The following GSE1 variants were observed in gnomAD, a reference collection of about 807,000 sequenced individuals.
The protein encoded by GSE1 is Gse1 coiled-coil protein.
A neutral mutation model predicts 112.6 loss-of-function variants in GSE1; 32 were observed. The observed-to-expected ratio is 0.28, with a 90% CI of 0.21 to 0.38. The LOEUF (loss-of-function observed/expected upper bound fraction) is 0.38. Ranked by LOEUF, GSE1 falls within the 10% of genes least tolerant of loss-of-function variation. The probability of loss-of-function intolerance (pLI) is 1.00; values close to 1 mark genes in which losing one functional copy is unlikely to be tolerated. For synonymous variants in GSE1, 1,115 were observed against 735.6 expected, an observed-to-expected ratio of 1.52 and a Z score of -8.35; for missense variants, 2,348 against 1,699.2, an observed-to-expected ratio of 1.38 and a Z score of -6.71.
At chr16:85,417,822 G>C (rs2048737053) in intron 2 of GSE1, among the ~76,000 whole-genome samples, 2 of 152,248 alleles carry the variant, frequency 1.3e-5, no homozygotes, top group South Asian at 4.1e-4. Flanking sequence ...GTCTGAGGCA[G>C]GGCTGAAGGC....
intron 2 of GSE1, among the ~76,000 whole-genome samples, chr16:85,636,568 C>T (rs1396075791): frequency 2.0e-5 from 3 of 152,164 alleles, no homozygotes; most frequent in African/African-American, 2.4e-5. Flanking sequence ...TGGAACTGGC[C>T]GGCAGCCCTC....
At chr16:85,207,630 C>T (rs1414266772) in intron 1 of GSE1, among the ~76,000 whole-genome samples, 1 of 152,228 alleles carries the variant, frequency 6.6e-6, no homozygotes, top group Non-Finnish European at 1.5e-5. Context: ...GGCTGCAGAG[C>T]CAGATGAGGC....
At chr16:85,246,302 A>C (rs1471307252) in intron 1 of GSE1, among the ~76,000 whole-genome samples, 4 of 78,546 alleles carry the variant, frequency 5.1e-5, no homozygotes, top group Admixed American at 1.4e-4. Flanking sequence ...CACACCCCAC[A>C]CGCTGTCTAC....
chr16:85,216,568 C>T (rs1012531747), intron 1 of GSE1, among the ~76,000 whole-genome samples: 7 of 152,194 alleles, frequency 4.6e-5, no homozygotes, highest in Admixed American at 2.0e-4. Flanking sequence ...CACAAACTGA[C>T]GCCTATGACC....
chr16:85,340,593 A>G (rs530140153), intron 1 of GSE1, among the ~76,000 whole-genome samples: 2 of 152,330 alleles, frequency 1.3e-5, no homozygotes, highest in South Asian at 4.1e-4. Flanking sequence ...GTGAGCCAAG[A>G]TCGCGTCACT....
intron 1 of GSE1, among the ~76,000 whole-genome samples, chr16:85,172,354 A>C (rs1235165703): frequency 1.3e-5 from 2 of 152,226 alleles, no homozygotes; most frequent in Admixed American, 1.3e-4. Context: ...ATAGGGTTCC[A>C]GACATGGGGG....
intron 2 of GSE1, among the ~76,000 whole-genome samples, chr16:85,382,794 A>C (rs2151624601): frequency 6.7e-6 from 1 of 149,644 alleles, no homozygotes; most frequent in Middle Eastern, 3.5e-3. Context: ...CACACACAAC[A>C]CATGCACACA....
intron 2 of GSE1, among the ~76,000 whole-genome samples, chr16:85,646,047 T>C (rs2050834323): frequency 6.8e-6 from 1 of 147,420 alleles, no homozygotes; most frequent in Non-Finnish European, 1.5e-5. Context: ...TTCTACCTGC[T>C]TCTACCACGC....
intron 7 of GSE1, 140 bp from the exon 8 acceptor site, chr16:85,657,137 C>G: frequency 3.4e-6 from 2 of 583,830 alleles, no homozygotes; most frequent in Non-Finnish European, 5.8e-6. Flanking sequence ...AGGGCCCCTT[C>G]TGAATATCTT....
intron 9 of GSE1, chr16:85,662,744 C>T: frequency 1.9e-6 from 1 of 524,182 alleles, no homozygotes. Context: ...GCCCAGGGGA[C>T]CACCCAGCTA....
At chr16:85,616,599 G>A (rs1408671310) in intron 1 of GSE1, among the ~76,000 whole-genome samples, 3 of 152,148 alleles carry the variant, frequency 2.0e-5, no homozygotes, top group East Asian at 1.9e-4. Context: ...CTGGTGTGCC[G>A]GGAGAGCTGT....
chr16:85,571,699 G>A (rs540207026), intron 1 of GSE1, among the ~76,000 whole-genome samples: 1,866 of 152,332 alleles, frequency 0.012, 17 homozygotes, highest in Non-Finnish European at 0.02. Context: ...GACTGAGGGG[G>A]AGAAACAGGT....
At chr16:85,601,126 A>G (rs1011098697) in intron 1 of GSE1, among the ~76,000 whole-genome samples, 3 of 152,034 alleles carry the variant, frequency 2.0e-5, no homozygotes, top group Non-Finnish European at 4.4e-5. Flanking sequence ...GGGAGGATAC[A>G]GCAGGCCCAG....
chr16:85,274,781 C>G (rs1909191171), intron 1 of GSE1, among the ~76,000 whole-genome samples: 1 of 152,232 alleles, frequency 6.6e-6, no homozygotes, highest in Admixed American at 6.5e-5. Flanking sequence ...GCCACTGGCA[C>G]CTGCCCCCAG....
At chr16:85,562,759 A>G (rs930444991) in intron 1 of GSE1, among the ~76,000 whole-genome samples, 2 of 152,346 alleles carry the variant, frequency 1.3e-5, no homozygotes, top group East Asian at 1.9e-4. Flanking sequence ...CCTCTCACCA[A>G]TGTCAAGTGT....
In GSE1 at chr16:85,656,382, C is replaced by T. The variant is rs369286648; in HGVS notation, c.1029C>T (p.Arg343=). 6.6e-4 allele frequency: 966 copies of T among 1,458,742 alleles called. No individual in the cohort carries two copies. The highest frequency in any genetic ancestry group is 8.2e-4 in the Non-Finnish European group (892 of 1,088,402). The allele number at this position is 1,458,742 out of a possible 1,614,324, so 90.4% of individuals were successfully genotyped here. ...AGGAGCTAAGGCGGGAGAGGGAGCG[C>T]GAGCGCGAGCGCGAGCGTGAGCGTG... ...MDEELRRERE[R]EREREREREA... Residue 343 remains arginine, a synonymous_variant, in exon 7 of 16, where the codon CGC becomes CGT. Transcript: ENST00000253458.
chr16:85,261,156 C>T (rs1453567254), intron 1 of GSE1, among the ~76,000 whole-genome samples: 1 of 152,244 alleles, frequency 6.6e-6, no homozygotes, highest in East Asian at 1.9e-4. Flanking sequence ...GCCATTTCTT[C>T]TGCCCTGGGC....
chr16:85,508,314 A>G (rs527487171), intron 2 of GSE1, among the ~76,000 whole-genome samples: 17 of 152,310 alleles, frequency 1.1e-4, no homozygotes, highest in Non-Finnish European at 8.8e-5. Flanking sequence ...GATTACAGGC[A>G]GGAGCCACCA....
At chr16:85,647,738 C>T (rs2050997012) in intron 2 of GSE1, among the ~76,000 whole-genome samples, 1 of 152,208 alleles carries the variant, frequency 6.6e-6, no homozygotes, top group Non-Finnish European at 1.5e-5. Context: ...AGGCGCGCGC[C>T]ATCACGCCCG....
Sources: gnomAD v4.1 joint callset for allele counts (sites outside exome capture counted in the v4.1 genomes callset) on GRCh38, gnomAD v4.1.1 for gene constraint, MANE v1.5 for transcripts, NCBI Gene and HGNC (gene_info 2026-07-23, HGNC 2026-07-21) for gene names.